The following CLMN variants were observed in gnomAD, a reference collection of about 807,000 sequenced individuals.
The protein encoded by CLMN is calmin (calponin-like, transmembrane).
In CLMN, 57 loss-of-function variants were observed where a neutral mutation model predicts 92.7. That is an observed-to-expected ratio of 0.61 (90% CI 0.50 to 0.77). The LOEUF (loss-of-function observed/expected upper bound fraction) is 0.77. Ranked by LOEUF, CLMN falls within the 30% of genes least tolerant of loss-of-function variation. CLMN has a pLI of 0.00. For missense variants in CLMN, 1,158 were observed against 1,237.5 expected (o/e 0.94, Z 0.96); for synonymous variants, 466 against 470.6 (o/e 0.99, Z 0.13).
intron 1 of CLMN, among the ~76,000 whole-genome samples, chr14:95,277,706 C>A (rs1385077584): frequency 3.3e-5 from 5 of 152,228 alleles, no homozygotes; most frequent in Admixed American, 1.3e-4. Flanking sequence ...TGGCTCACTG[C>A]AACCTCTGCC....
intron 1 of CLMN, among the ~76,000 whole-genome samples, chr14:95,291,348 G>T (rs549925337): frequency 1.3e-5 from 2 of 152,176 alleles, no homozygotes; most frequent in Non-Finnish European, 2.9e-5. Flanking sequence ...CGCCCACATG[G>T]AGCCGCATCC....
At chr14:95,237,742 C>T (rs1898105007) in intron 1 of CLMN, among the ~76,000 whole-genome samples, 1 of 152,218 alleles carries the variant, frequency 6.6e-6, no homozygotes, top group Non-Finnish European at 1.5e-5. Flanking sequence ...TTCTCTGATG[C>T]TCCCTGGTCT....
At chr14:95,193,010 C>CT (rs1896597554) in intron 12 of CLMN, 1 of 279,736 alleles carries the variant, frequency 3.6e-6, no homozygotes, top group Admixed American at 5.2e-5. Context: ...TGTCTTGCTT[C>CT]TTTTTTAGCA....
chr14:95,225,979 A>C (rs1373329966), intron 2 of CLMN, among the ~76,000 whole-genome samples: 2 of 152,198 alleles, frequency 1.3e-5, no homozygotes, highest in Non-Finnish European at 2.9e-5. Flanking sequence ...GAGGATTTGC[A>C]AACTCTGTTC....
At chr14:95,253,382 C>T (rs1185142428) in intron 1 of CLMN, among the ~76,000 whole-genome samples, 1 of 152,194 alleles carries the variant, frequency 6.6e-6, no homozygotes, top group African/African-American at 2.4e-5. Context: ...GTACTGTGCC[C>T]AGTCCACATA....
At chr14:95,218,930 C>T (rs140784795) in intron 4 of CLMN, among the ~76,000 whole-genome samples, 297 of 152,328 alleles carry the variant, frequency 1.9e-3, no homozygotes, top group African/African-American at 6.9e-3. Flanking sequence ...ACTGCACTCC[C>T]TCATTGCCAC....
chr14:95,318,548 C>T (rs1901895563), intron 1 of CLMN, among the ~76,000 whole-genome samples: 1 of 152,100 alleles, frequency 6.6e-6, no homozygotes. Context: ...TCGGCCATCC[C>T]CCAGCGCTGG....
intron 1 of CLMN, among the ~76,000 whole-genome samples, chr14:95,249,161 T>C (rs1187736706): frequency 6.6e-6 from 1 of 152,256 alleles, no homozygotes; most frequent in Non-Finnish European, 1.5e-5. Context: ...TTTGACCACA[T>C]TGTGTGTGCA....
At chr14:95,285,320 G>A (rs1242527647) in intron 1 of CLMN, among the ~76,000 whole-genome samples, 3 of 152,100 alleles carry the variant, frequency 2.0e-5, no homozygotes, top group Non-Finnish European at 2.9e-5. Flanking sequence ...ATTTTGAACA[G>A]GAAGAAAAAT....
At position 95,194,047 on chromosome 14, in the gene CLMN, C is replaced by T. The variant is rs905495456; in HGVS notation, c.2770-128G>A. On this transcript the variant is annotated intron_variant, in intron 11 of 12. Transcript: ENST00000298912. The surrounding 1 kb of genome is among the most constrained non-coding windows in gnomAD (Gnocchi z 4.0). ...GCCGGGCATTTCTCAATACCGCCAGCGTCTAGATCCAAAATCAAAGTGCTA... is the reference window on the plus strand; with the variant it reads ...GCCGGGCATTTCTCAATACCGCCAGTGTCTAGATCCAAAATCAAAGTGCTA... 3.2e-5 allele frequency: 47 copies of T among 1,482,158 alleles called. No homozygotes were observed. In the Admixed American group the frequency reaches 9.3e-4, roughly 29 times the overall value. 91.8% of individuals were successfully genotyped at this position (1,482,158 alleles called of 1,614,324 possible).
intron 1 of CLMN, among the ~76,000 whole-genome samples, chr14:95,262,714 G>A (rs1036691552): frequency 6.6e-6 from 1 of 152,108 alleles, no homozygotes; most frequent in East Asian, 1.9e-4. Flanking sequence ...CTACAGGTAT[G>A]TGCCACCATG....
chr14:95,263,620 A>G (rs1034014287), intron 1 of CLMN, among the ~76,000 whole-genome samples: 1 of 152,210 alleles, frequency 6.6e-6, no homozygotes, highest in Non-Finnish European at 1.5e-5. Context: ...CGTTACTTGG[A>G]ATATGAATTC....
Position 95,191,161 on chromosome 14 carries a change from T to G in CLMN, c.*403A>C, listed in dbSNP as rs1262257226. ...GGGGCTTGGCCTGGGGTGCCCACCC[T>G]CTTTCTCATTAAGCAGCCCTTCATC... On this transcript the variant is annotated 3_prime_UTR_variant, in exon 13 of 13. Transcript: ENST00000298912. The surrounding 1 kb of genome is among the most constrained non-coding windows in gnomAD (Gnocchi z 5.3). 1 of 153,674 alleles carries G rather than the reference T, an allele frequency of 6.5e-6. No homozygotes were observed. Among genetic ancestry groups the G allele is most frequent in the African/African-American group, 2.4e-5 (1 of 41,482 alleles). The allele number at this position is 153,674 out of a possible 1,614,324, so 9.5% of individuals were successfully genotyped here. A position where few individuals can be genotyped will look rare whatever the true frequency, so the allele number is the denominator to read the frequency against.
intron 9 of CLMN, among the ~76,000 whole-genome samples, chr14:95,197,273 G>A (rs1449299787): frequency 6.6e-6 from 1 of 150,912 alleles, no homozygotes; most frequent in South Asian, 2.1e-4. Flanking sequence ...AAGAAAAGAG[G>A]AGGAGGAAGA....
intron 1 of CLMN, among the ~76,000 whole-genome samples, chr14:95,282,032 T>C (rs1477903744): frequency 6.6e-6 from 1 of 152,236 alleles, no homozygotes; most frequent in Non-Finnish European, 1.5e-5. Flanking sequence ...TCTCTGGTTA[T>C]GGATGGTAAC....
intron 1 of CLMN, among the ~76,000 whole-genome samples, chr14:95,282,533 C>T (rs908797359): frequency 2.0e-4 from 31 of 151,914 alleles, no homozygotes; most frequent in African/African-American, 7.5e-4. Flanking sequence ...CTGGTTCAGG[C>T]CCAAATGAGA....
At chr14:95,205,526 G>A (rs1340607138) in intron 8 of CLMN, among the ~76,000 whole-genome samples, 1 of 151,970 alleles carries the variant, frequency 6.6e-6, no homozygotes, top group Non-Finnish European at 1.5e-5. Flanking sequence ...GTAAATATAT[G>A]GTCAATAGAA....
intron 1 of CLMN, among the ~76,000 whole-genome samples, chr14:95,318,472 A>T (rs953138954): frequency 6.6e-6 from 1 of 152,078 alleles, no homozygotes; most frequent in Non-Finnish European, 1.5e-5. Context: ...TGCCCAACCT[A>T]GGGGTGGGGC....
At chr14:95,318,089 A>G in intron 1 of CLMN, among the ~76,000 whole-genome samples, 1 of 152,164 alleles carries the variant, frequency 6.6e-6, no homozygotes, top group East Asian at 1.9e-4. Context: ...CACAACAATC[A>G]ATCTTCTCTA....
Sources: gnomAD v4.1 joint callset for allele counts (sites outside exome capture counted in the v4.1 genomes callset) on GRCh38, gnomAD v4.1.1 for gene constraint, Gnocchi (gnomAD v3.1) non-coding constraint, MANE v1.5 for transcripts, NCBI Gene and HGNC (gene_info 2026-07-23, HGNC 2026-07-21) for gene names.